The following CLDN10 variants were observed in gnomAD, a reference collection of about 807,000 sequenced individuals.
The protein encoded by CLDN10 is claudin-10.
CLDN10 carries 15 observed loss-of-function variants against 22.9 expected under a neutral mutation model. The observed-to-expected ratio is 0.65, with a 90% confidence interval of 0.44 to 1.01. The LOEUF (loss-of-function observed/expected upper bound fraction) is 1.01. CLDN10 is among the 50% of genes least tolerant of loss of function. CLDN10 has a pLI of 0.00. For missense variants in CLDN10, 247 were observed against 287.8 expected (o/e 0.86, Z 1.03); for synonymous variants, 114 against 111.4 (o/e 1.02, Z -0.15).
intron 1 of CLDN10, among the ~76,000 whole-genome samples, chr13:95,488,939 T>A (rs2042836964): frequency 7.0e-6 from 1 of 141,920 alleles, no homozygotes; most frequent in Admixed American, 7.8e-5. Context: ...ATCATAGTTC[T>A]ACTTTTTGTT....
chr13:95,525,358 T>C (rs2043269968), intron 1 of CLDN10, among the ~76,000 whole-genome samples: 1 of 152,232 alleles, frequency 6.6e-6, no homozygotes, highest in Non-Finnish European at 1.5e-5. Flanking sequence ...GTTTTTATTA[T>C]TGAGTTGTAA....
chr13:95,534,247 CT>C (rs1468059083), intron 1 of CLDN10, among the ~76,000 whole-genome samples: 8 of 151,812 alleles, frequency 5.3e-5, no homozygotes, highest in Non-Finnish European at 1.2e-4. Context: ...CATTGGGTGT[CT>C]TTTTTTTCCT....
chr13:95,467,035 C>T (rs2042587129), intron 1 of CLDN10, among the ~76,000 whole-genome samples: 1 of 99,332 alleles, frequency 1.0e-5, no homozygotes, highest in Admixed American at 1.1e-4. Flanking sequence ...TGCCACCATG[C>T]CCGTTTTTTT....
intron 1 of CLDN10, among the ~76,000 whole-genome samples, chr13:95,473,090 C>T (rs1054975433): frequency 6.9e-6 from 1 of 145,540 alleles, no homozygotes; most frequent in Non-Finnish European, 1.5e-5. Context: ...CAGTGAGCTA[C>T]GATCGTACCA....
chr13:95,553,113 C>T, intron 1 of CLDN10, 140 bp downstream of exon 1: 1 of 1,209,732 alleles, frequency 8.3e-7, no homozygotes, highest in South Asian at 1.5e-5. Flanking sequence ...CCAACAGGGC[C>T]TTAGGGAGCC....
intron 1 of CLDN10, among the ~76,000 whole-genome samples, chr13:95,510,256 G>C (rs1423799244): frequency 1.3e-5 from 2 of 152,202 alleles, no homozygotes. Flanking sequence ...TTCTGCCTTT[G>C]AGTTTTGCTT....
chr13:95,461,028 C>T (rs1345068189), intron 1 of CLDN10, among the ~76,000 whole-genome samples: 1 of 152,104 alleles, frequency 6.6e-6, no homozygotes, highest in Non-Finnish European at 1.5e-5. Flanking sequence ...AGGGGAATTG[C>T]TTGAATCAGG....
chr13:95,450,430 C>G (rs749977812), intron 1 of CLDN10, among the ~76,000 whole-genome samples: 2 of 152,170 alleles, frequency 1.3e-5, no homozygotes, highest in Non-Finnish European at 2.9e-5. Context: ...CTCTTTTTCT[C>G]GTGTTGCTCT....
intron 1 of CLDN10, among the ~76,000 whole-genome samples, chr13:95,465,928 TG>T (rs1382167488): frequency 6.6e-6 from 1 of 152,236 alleles, no homozygotes; most frequent in Admixed American, 6.5e-5. Context: ...TGTGATTTTC[TG>T]TTTATTCTAT....
At chr13:95,560,499 G>C (rs1756824375) in intron 3 of CLDN10, 36 bp downstream of exon 3, 1 of 1,500,744 alleles carries the variant, frequency 6.7e-7, no homozygotes, top group Non-Finnish European at 9.3e-7. Flanking sequence ...CAGCTCACAG[G>C]AAGTGTATAT....
intron 1 of CLDN10, among the ~76,000 whole-genome samples, chr13:95,456,321 G>A (rs977470778): frequency 6.6e-6 from 1 of 152,090 alleles, no homozygotes; most frequent in Non-Finnish European, 1.5e-5. Context: ...TTCCTTGTCT[G>A]TTCCTTGTCT....
chr13:95,579,189 A>T lies in CLDN10; in HGVS notation c.*1175A>T, dbSNP rs1048379007. 6 of 152,250 alleles carry T rather than the reference A, an allele frequency of 3.9e-5. No homozygotes were observed. The highest frequency in any genetic ancestry group is 6.5e-5 in the Admixed American group (1 of 15,284). The allele number at this position is 152,250 out of a possible 1,614,324, so 9.4% of individuals were successfully genotyped here. A position where few individuals can be genotyped will look rare whatever the true frequency, so the allele number is the denominator to read the frequency against. The stretch of plus-strand genomic sequence containing the variant: ...AGCCCAAGTGGTACGTGCCTCACTC[A>T]GAACTGACGGGCCGAGTTCTATCTA... On this transcript the variant is annotated 3_prime_UTR_variant, in exon 5 of 5. Coordinates refer to ENST00000299339, the MANE Select transcript of CLDN10 (RefSeq NM_006984.5).
intron 1 of CLDN10, among the ~76,000 whole-genome samples, chr13:95,555,948 G>T (rs918749431): frequency 6.6e-6 from 1 of 152,186 alleles, no homozygotes; most frequent in Non-Finnish European, 1.5e-5. Flanking sequence ...ATTGGGAAGA[G>T]AATCCAGGAA....
At chr13:95,434,825 C>A (rs1008741337) in intron 1 of CLDN10, among the ~76,000 whole-genome samples, 2 of 151,934 alleles carry the variant, frequency 1.3e-5, no homozygotes, top group Non-Finnish European at 2.9e-5. Context: ...ATCCTAGATT[C>A]CTGATAACGA....
chr13:95,534,549 A>G (rs550444094), intron 1 of CLDN10, among the ~76,000 whole-genome samples: 1 of 152,202 alleles, frequency 6.6e-6, no homozygotes, highest in Non-Finnish European at 1.5e-5. Context: ...TTCAAAAAAA[A>G]ATCAATTCTC....
At chr13:95,492,641 T>C (rs2042885756) in intron 1 of CLDN10, among the ~76,000 whole-genome samples, 1 of 152,128 alleles carries the variant, frequency 6.6e-6, no homozygotes, top group Non-Finnish European at 1.5e-5. Flanking sequence ...GCATGTGAAG[T>C]CTGCACACCA....
At chr13:95,494,882 A>G (rs963272123) in intron 1 of CLDN10, among the ~76,000 whole-genome samples, 1 of 152,208 alleles carries the variant, frequency 6.6e-6, no homozygotes, top group South Asian at 2.1e-4. Context: ...GTAATTTGTT[A>G]TCTTTCTGCC....
intron 1 of CLDN10, among the ~76,000 whole-genome samples, chr13:95,495,211 T>G (rs1215694279): frequency 6.6e-6 from 1 of 151,554 alleles, no homozygotes; most frequent in African/African-American, 2.4e-5. Flanking sequence ...AATTTTTGTA[T>G]TTTTTTGTAG....
At chr13:95,437,034 G>A (rs1313780787) in intron 1 of CLDN10, among the ~76,000 whole-genome samples, 1 of 151,990 alleles carries the variant, frequency 6.6e-6, no homozygotes, top group Non-Finnish European at 1.5e-5. Context: ...CAGAAAATCT[G>A]TCTAAGCTGT....
Sources: gnomAD v4.1 joint callset for allele counts (sites outside exome capture counted in the v4.1 genomes callset) on GRCh38, gnomAD v4.1.1 for gene constraint, MANE v1.5 for transcripts, NCBI Gene and HGNC (gene_info 2026-07-23, HGNC 2026-07-21) for gene names.